Variants in ZNF148 observed in about 807,000 individuals in gnomAD.
ZNF148 encodes Beta-Enolase Repressor Factor-1.
Under a neutral mutation model 67.7 loss-of-function variants are expected in ZNF148, and 7 were observed. The ratio of observed to expected loss-of-function variants is 0.10; its 90% CI spans 0.06 to 0.19. The LOEUF is 0.19. Among genes scored for constraint, ZNF148 ranks in the 10% least tolerant of loss-of-function variants. ZNF148 has a pLI of 1.00. For missense variants in ZNF148, 583 were observed against 947.1 expected (o/e 0.62, Z 5.05); for synonymous variants, 333 against 330.7 (o/e 1.01, Z -0.08).
Position 125,231,203 on chromosome 3 carries a change from G to C in ZNF148, c.*1138C>G, listed in dbSNP as rs1935840904. On this transcript the variant is annotated 3_prime_UTR_variant, in exon 9 of 9. Coordinates refer to ENST00000360647, the MANE Select transcript of ZNF148 (RefSeq NM_021964.3). ...TGCAATTAAAATGCCCATTTCTTTA[G>C]TTTCTCTGGATACTGTTTAATTATC... is the stretch of plus-strand genomic sequence containing the variant. 6.6e-6 allele frequency: 1 copy of C among 152,376 alleles called. No homozygotes were observed. Among genetic ancestry groups the C allele is most frequent in the Admixed American group, 6.6e-5 (1 of 15,234 alleles). The allele number at this position is 152,376 out of a possible 1,614,324, so 9.4% of individuals were successfully genotyped here.
chr3:125,268,917 G>C (rs1290444724), intron 7 of ZNF148, among the ~76,000 whole-genome samples: 1 of 152,154 alleles, frequency 6.6e-6, no homozygotes, highest in Non-Finnish European at 1.5e-5. Flanking sequence ...ACAACCTACA[G>C]AATGGGAGAA....
intron 4 of ZNF148, among the ~76,000 whole-genome samples, chr3:125,290,047 T>G (rs1256624820): frequency 6.6e-6 from 1 of 152,026 alleles, no homozygotes. Context: ...ACCACCACCA[T>G]CCACCACCAC....
chr3:125,233,925 T>A lies in ZNF148; in HGVS notation c.801A>T (p.Thr267=). 6.3e-7 allele frequency: 1 copy of A among 1,598,250 alleles called. No individual in the cohort carries two copies. The highest frequency in any genetic ancestry group is 8.5e-7 in the Non-Finnish European group (1 of 1,174,164). Residue 267 remains threonine (T), a synonymous_variant, in exon 9 of 9, where the codon ACA becomes ACT. Transcript: ENST00000360647. This position sits in a 1 kb window ranked among gnomAD's most constrained non-coding sequence, Gnocchi z 5.1. ...CEYCLQYFSR[T]DRVLKHKRMC... ...TACGTTTATGTTTCAATACACGATC[T>A]GTTCTGGAAAAATACTGTTGAATTC...
intron 7 of ZNF148, among the ~76,000 whole-genome samples, chr3:125,236,227 A>C (rs923054900): frequency 2.9e-4 from 44 of 152,188 alleles, no homozygotes; most frequent in African/African-American, 8.9e-4. Context: ...ACAATTAAAA[A>C]AAAATTTTTT....
chr3:125,297,222 A>C (rs1327469635), intron 4 of ZNF148, among the ~76,000 whole-genome samples: 1 of 152,116 alleles, frequency 6.6e-6, no homozygotes, highest in Non-Finnish European at 1.5e-5. Flanking sequence ...TCTATGGGTA[A>C]GTTTGAGAAA....
chr3:125,366,564 A>G (rs1942709745), intron 1 of ZNF148, among the ~76,000 whole-genome samples: 1 of 152,206 alleles, frequency 6.6e-6, no homozygotes, highest in Non-Finnish European at 1.5e-5. Context: ...CAAACAAAAT[A>G]GATAACATCC....
In ZNF148 at chr3:125,236,097, T is replaced by TAA. The variant is rs34772918; in HGVS notation, c.668-1770_668-1769dup. Among the ~76,000 whole-genome samples, 54 of 150,526 alleles carry TAA rather than the reference T, an allele frequency of 3.6e-4. No individual in the cohort carries two copies. In the South Asian group the frequency reaches 5.0e-3, roughly 14 times the overall value. ...ACATGTATCCTAAAACTTAAAGTAT[T>TAA]AAAAAAAAAGAAATAATTATATTTA... On this transcript the variant is annotated intron_variant, in intron 7 of 8. Coordinates refer to ENST00000360647, the MANE Select transcript of ZNF148 (RefSeq NM_021964.3).
At chr3:125,296,073 T>C (rs1195581873) in intron 4 of ZNF148, among the ~76,000 whole-genome samples, 1 of 151,898 alleles carries the variant, frequency 6.6e-6, no homozygotes. Flanking sequence ...AGATCCTCCT[T>C]CTAAATTCCC....
intron 4 of ZNF148, among the ~76,000 whole-genome samples, chr3:125,300,860 T>C (rs1490491688): frequency 1.3e-5 from 2 of 152,234 alleles, no homozygotes; most frequent in African/African-American, 4.8e-5. Flanking sequence ...CCTCTTAACA[T>C]GCTTGCCACC....
chr3:125,358,649 T>C (rs1262010458), intron 1 of ZNF148, among the ~76,000 whole-genome samples: 50 of 152,234 alleles, frequency 3.3e-4, no homozygotes, highest in Non-Finnish European at 8.8e-5. Context: ...ATTTAACTCA[T>C]TCATAACTCA....
At chr3:125,345,685 G>C (rs1941915934) in intron 1 of ZNF148, among the ~76,000 whole-genome samples, 1 of 151,938 alleles carries the variant, frequency 6.6e-6, no homozygotes, top group Non-Finnish European at 1.5e-5. Flanking sequence ...AAGAATATAA[G>C]GGAATATTAC....
At chr3:125,338,984 T>G (rs1466865718) in intron 1 of ZNF148, 1 of 152,158 alleles carries the variant, frequency 6.6e-6, no homozygotes, top group African/African-American at 2.4e-5. Flanking sequence ...AAACTGAGAT[T>G]TGCCATAAGA....
At chr3:125,272,314 G>A (rs547324807) in intron 7 of ZNF148, among the ~76,000 whole-genome samples, 3 of 152,294 alleles carry the variant, frequency 2.0e-5, no homozygotes, top group African/African-American at 7.2e-5. Context: ...GTAAGAATGA[G>A]ACCACTTCAA....
At chr3:125,237,770 T>C (rs1454097740) in intron 7 of ZNF148, among the ~76,000 whole-genome samples, 1 of 152,170 alleles carries the variant, frequency 6.6e-6, no homozygotes, top group Non-Finnish European at 1.5e-5. Context: ...CAAACTGATC[T>C]ACAGATTTAA....
At chr3:125,370,738 C>G (rs1423087304) in intron 1 of ZNF148, among the ~76,000 whole-genome samples, 1 of 152,176 alleles carries the variant, frequency 6.6e-6, no homozygotes, top group Non-Finnish European at 1.5e-5. Context: ...ATGACTCTAA[C>G]CTAACAGAGG....
intron 1 of ZNF148, among the ~76,000 whole-genome samples, chr3:125,360,218 T>C (rs776740388): frequency 1.3e-5 from 2 of 152,154 alleles, no homozygotes; most frequent in Non-Finnish European, 2.9e-5. Flanking sequence ...TTCTCCATGT[T>C]CTATTGTCAA....
chr3:125,330,097 A>G (rs1941220035), intron 2 of ZNF148, among the ~76,000 whole-genome samples: 1 of 152,208 alleles, frequency 6.6e-6, no homozygotes, highest in Admixed American at 6.5e-5. Flanking sequence ...CAATTATCAG[A>G]AGATATGGTA....
At chr3:125,316,847 A>G (rs140607244) in intron 3 of ZNF148, among the ~76,000 whole-genome samples, 27 of 152,222 alleles carry the variant, frequency 1.8e-4, no homozygotes, top group African/African-American at 6.5e-4. Context: ...GAAGATTTTT[A>G]GCTCGATGTG....
intron 4 of ZNF148, among the ~76,000 whole-genome samples, chr3:125,306,146 AAT>A: frequency 6.6e-6 from 1 of 152,200 alleles, no homozygotes; most frequent in East Asian, 1.9e-4. Flanking sequence ...AAAATGAAAA[AAT>A]ATATCAAAAG....
Sources: gnomAD v4.1 joint callset for allele counts (sites outside exome capture counted in the v4.1 genomes callset) on GRCh38, gnomAD v4.1.1 for gene constraint, Gnocchi (gnomAD v3.1) non-coding constraint, MANE v1.5 for transcripts, NCBI Gene and HGNC (gene_info 2026-07-23, HGNC 2026-07-21) for gene names.